The following GNA12 variants were observed in gnomAD, a reference collection of about 807,000 sequenced individuals.
The protein encoded by GNA12 is guanine nucleotide-binding protein subunit alpha-12.
Under a neutral mutation model 26.0 loss-of-function variants are expected in GNA12, and 9 were observed. The ratio of observed to expected loss-of-function variants is 0.35; its 90% confidence interval spans 0.21 to 0.60. The LOEUF is 0.60. Ranked by LOEUF, GNA12 falls within the 20% of genes least tolerant of loss-of-function variation. GNA12 has a pLI of 0.78. For synonymous variants in GNA12, 264 were observed against 219.6 expected (o/e 1.20, Z -1.79); for missense variants, 405 against 525.8 (o/e 0.77, Z 2.25).
chr7:2,758,609 C>T (rs1006589671), intron 2 of GNA12, among the ~76,000 whole-genome samples: 28 of 152,240 alleles, frequency 1.8e-4, no homozygotes, highest in African/African-American at 6.7e-4. Context: ...GGGAGCCTTT[C>T]AAGGAACCTG....
At chr7:2,758,542 T>C (rs763448626) in intron 2 of GNA12, among the ~76,000 whole-genome samples, 1 of 152,050 alleles carries the variant, frequency 6.6e-6, no homozygotes, top group Non-Finnish European at 1.5e-5. Context: ...CTCCTGTGAT[T>C]GGGCGACTTT....
intron 2 of GNA12, among the ~76,000 whole-genome samples, chr7:2,789,588 C>T (rs1792465651): frequency 6.6e-6 from 1 of 152,208 alleles, no homozygotes; most frequent in Admixed American, 6.5e-5. Flanking sequence ...AACGCTGTGA[C>T]CTCTGAGACC....
intron 2 of GNA12, among the ~76,000 whole-genome samples, chr7:2,755,477 C>G (rs1342144512): frequency 2.0e-5 from 3 of 152,220 alleles, no homozygotes; most frequent in African/African-American, 7.2e-5. Context: ...TAAATTTACA[C>G]CACAGTATTT....
chr7:2,747,922 G>A (rs1486612608), intron 2 of GNA12, among the ~76,000 whole-genome samples: 1 of 151,654 alleles, frequency 6.6e-6, no homozygotes, highest in African/African-American at 2.4e-5. Context: ...GCTTCAAAGA[G>A]AATAAAATAC....
intron 1 of GNA12, chr7:2,814,888 G>T: frequency 6.2e-7 from 1 of 1,602,356 alleles, no homozygotes; most frequent in Non-Finnish European, 8.5e-7. Context: ...CGACTGCCAG[G>T]CATCCTTGCT....
At chr7:2,759,161 A>AAATAAATC (rs1179224559) in intron 2 of GNA12, among the ~76,000 whole-genome samples, 1 of 147,642 alleles carries the variant, frequency 6.8e-6, no homozygotes, top group Non-Finnish European at 1.5e-5. Context: ...ATAAATAAAT[A>AAATAAATC]AATAAATAAA....
intron 2 of GNA12, among the ~76,000 whole-genome samples, chr7:2,757,592 C>T (rs2115384829): frequency 6.6e-6 from 1 of 152,308 alleles, no homozygotes. Context: ...GAGCAGAGCA[C>T]GTGGCGAACT....
chr7:2,748,241 G>A (rs1468343260), intron 2 of GNA12, among the ~76,000 whole-genome samples: 14 of 151,538 alleles, frequency 9.2e-5, no homozygotes, highest in South Asian at 8.4e-4. Flanking sequence ...GAGGCATCAC[G>A]CTACCTGACT....
chr7:2,749,963 A>G (rs79078415), intron 2 of GNA12, among the ~76,000 whole-genome samples: 150 of 152,350 alleles, frequency 9.8e-4, no homozygotes, highest in Non-Finnish European at 1.7e-3. Context: ...GAAGAGAACA[A>G]AGAGAGTGGG....
At chr7:2,818,139 G>A (rs1186964671) in intron 1 of GNA12, among the ~76,000 whole-genome samples, 1 of 152,156 alleles carries the variant, frequency 6.6e-6, no homozygotes, top group Non-Finnish European at 1.5e-5. Context: ...GGTTCTGGGG[G>A]GAGTCATCAT....
At chr7:2,813,524 G>A (rs1261147138) in intron 1 of GNA12, among the ~76,000 whole-genome samples, 1 of 152,118 alleles carries the variant, frequency 6.6e-6, no homozygotes, top group Admixed American at 6.5e-5. Context: ...CACAATATCT[G>A]CTATACCTCC....
intron 2 of GNA12, among the ~76,000 whole-genome samples, chr7:2,743,891 G>C (rs961331746): frequency 1.3e-5 from 2 of 152,040 alleles, no homozygotes; most frequent in Non-Finnish European, 2.9e-5. Context: ...CTGGCTCGGA[G>C]GGTCCTACAC....
intron 1 of GNA12, among the ~76,000 whole-genome samples, chr7:2,839,924 C>T (rs548055853): frequency 2.9e-4 from 44 of 152,148 alleles, no homozygotes; most frequent in African/African-American, 9.2e-4. Context: ...GCTTGAACCC[C>T]GGGGCGGAGG....
At chr7:2,757,042 T>A (rs1367659367) in intron 2 of GNA12, among the ~76,000 whole-genome samples, 1 of 151,392 alleles carries the variant, frequency 6.6e-6, no homozygotes, top group African/African-American at 2.4e-5. Context: ...CCAGTGGCAC[T>A]CCAGTCTGGG....
chr7:2,754,358 G>A (rs1486349502), intron 2 of GNA12, among the ~76,000 whole-genome samples: 1 of 152,108 alleles, frequency 6.6e-6, no homozygotes, highest in African/African-American at 2.4e-5. Context: ...TGTTTTGAGA[G>A]TTCTGTTTTC....
At chr7:2,785,380 A>G (rs1792332428) in intron 2 of GNA12, among the ~76,000 whole-genome samples, 1 of 152,156 alleles carries the variant, frequency 6.6e-6, no homozygotes, top group South Asian at 2.1e-4. Flanking sequence ...ATCAAATAGG[A>G]TTTGGTAGGG....
At chr7:2,777,139 C>A (rs1298569987) in intron 2 of GNA12, among the ~76,000 whole-genome samples, 1 of 152,178 alleles carries the variant, frequency 6.6e-6, no homozygotes, top group Non-Finnish European at 1.5e-5. Flanking sequence ...AGGGGAGACA[C>A]TGGCTAGGTT....
intron 2 of GNA12, among the ~76,000 whole-genome samples, chr7:2,742,630 C>G (rs1213428869): frequency 1.3e-5 from 2 of 152,156 alleles, no homozygotes; most frequent in Non-Finnish European, 2.9e-5. Flanking sequence ...GTTCTAAAGT[C>G]AGCTGTCAAT....
At chr7:2,805,787 T>C (rs924401099) in intron 1 of GNA12, among the ~76,000 whole-genome samples, 2 of 152,244 alleles carry the variant, frequency 1.3e-5, no homozygotes, top group East Asian at 1.9e-4. Flanking sequence ...CAGACACTAC[T>C]TGAGTCTAAT....
Sources: allele counts gnomAD v4.1 joint callset (sites outside exome capture counted in the v4.1 genomes callset), GRCh38; gene constraint gnomAD v4.1.1; transcripts MANE v1.5; gene names NCBI Gene and HGNC (gene_info 2026-07-23, HGNC 2026-07-21).